Variants in NDUFA10 observed in about 807,000 individuals in gnomAD.
NDUFA10 encodes NADH:ubiquinone oxidoreductase subunit A10.
Under a neutral mutation model 47.8 loss-of-function variants are expected in NDUFA10, and 40 were observed. That is an observed-to-expected ratio of 0.84 (90% CI 0.65 to 1.09). The LOEUF (loss-of-function observed/expected upper bound fraction) is 1.09, where lower values mean the gene tolerates loss of function less well. Among genes scored for constraint, NDUFA10 ranks in the 50% least tolerant of loss-of-function variants. The probability of loss-of-function intolerance (pLI) is 0.00; values close to 1 mark genes in which losing one functional copy is unlikely to be tolerated. For synonymous variants in NDUFA10, 183 were observed against 172.2 expected, an observed-to-expected ratio of 1.06 and a Z score of -0.49; for missense variants, 413 against 451.1, an observed-to-expected ratio of 0.92 and a Z score of 0.76.
At chr2:239,931,945 C>A (rs1304517851) in intron 4 of NDUFA10, among the ~76,000 whole-genome samples, 1 of 147,516 alleles carries the variant, frequency 6.8e-6, no homozygotes, top group Non-Finnish European at 1.5e-5. Flanking sequence ...ACGCCATTCT[C>A]CTGCCTCAGC....
intron 4 of NDUFA10, among the ~76,000 whole-genome samples, chr2:239,952,107 A>T (rs1012170675): frequency 6.6e-6 from 1 of 152,138 alleles, no homozygotes; most frequent in Non-Finnish European, 1.5e-5. Flanking sequence ...ATGAACCAGC[A>T]ACACATGTGC....
In NDUFA10 at chr2:240,014,718, TTTGA is replaced by T. The variant is rs777849912; in HGVS notation, c.669+17_669+20del. On this transcript the variant is annotated intron_variant, in intron 5 of 9. Coordinates refer to ENST00000252711, the MANE Select transcript of NDUFA10 (RefSeq NM_004544.4). Reference sequence around the variant, plus strand: ...ACATTCAAAATAGAGATGCTTGGCCTTTGATTGAAAACTGCATTACATCTCCTTT... The same window carrying T: ...ACATTCAAAATAGAGATGCTTGGCCTTTGAAAACTGCATTACATCTCCTTT... The T allele has an allele frequency of 6.2e-7, 1 of 1,614,098 alleles. No individual in the cohort carries two copies. Among genetic ancestry groups the T allele is most frequent in the Non-Finnish European group, 8.5e-7 (1 of 1,179,928 alleles).
intron 4 of NDUFA10, among the ~76,000 whole-genome samples, chr2:239,898,956 T>C (rs1693458809): frequency 1.2e-5 from 1 of 86,708 alleles, no homozygotes; most frequent in African/African-American, 4.0e-5. Flanking sequence ...TGTGGAGGGG[T>C]GTGGCAGGGT....
intron 9 of NDUFA10, among the ~76,000 whole-genome samples, chr2:239,970,129 C>T (rs918794970): frequency 7.9e-5 from 12 of 152,096 alleles, no homozygotes; most frequent in East Asian, 7.7e-4. Flanking sequence ...AAAAAGATCA[C>T]GAGAAAATCT....
chr2:239,908,095 T>C (rs1574769714), intron 4 of NDUFA10, among the ~76,000 whole-genome samples: 1 of 152,116 alleles, frequency 6.6e-6, no homozygotes, highest in East Asian at 1.9e-4. Context: ...ATGTCCTTTG[T>C]AGGGACATGG....
chr2:239,960,615 A>T lies in NDUFA10; in HGVS notation c.*503T>A, dbSNP rs1000127056. 2.9e-6 allele frequency: 3 copies of T among 1,024,296 alleles called. No homozygotes were observed. The highest frequency in any genetic ancestry group is 3.5e-6 in the Non-Finnish European group (3 of 851,052). 63.5% of individuals were successfully genotyped at this position (1,024,296 alleles called of 1,614,324 possible). ...AAAATAAATACAGTAGGCCTTTAGAAAAACTCTTCAGCATAATGTAAGCCT... is the reference window on the plus strand; with the variant it reads ...AAAATAAATACAGTAGGCCTTTAGATAAACTCTTCAGCATAATGTAAGCCT... On this transcript the variant is annotated 3_prime_UTR_variant, in exon 10 of 10. Coordinates refer to ENST00000252711, the MANE Select transcript of NDUFA10 (RefSeq NM_004544.4).
intron 4 of NDUFA10, among the ~76,000 whole-genome samples, chr2:239,938,723 T>G (rs576453894): frequency 1.5e-3 from 235 of 152,172 alleles, no homozygotes; most frequent in Non-Finnish European, 2.4e-3. Context: ...GTGGATCAGT[T>G]AAACGGGGGC....
At chr2:239,992,596 A>G (rs536778172) in intron 8 of NDUFA10, among the ~76,000 whole-genome samples, 21 of 152,324 alleles carry the variant, frequency 1.4e-4, no homozygotes, top group Non-Finnish European at 2.4e-4. Context: ...TTGGCAATTA[A>G]GCAAAAAGAA....
Position 239,906,066 on chromosome 2 carries a change from G to T in NDUFA10, c.295-10752C>A, listed in dbSNP as rs1245260516. Reference sequence around the variant, plus strand: ...AGCCCTGAGGGGTGATACCTCCAAGGTGCTCAGGGGACCTTGAAGCAGCCC... The same window carrying T: ...AGCCCTGAGGGGTGATACCTCCAAGTTGCTCAGGGGACCTTGAAGCAGCCC... On this transcript the variant is annotated intron_variant, in intron 4 of 5. Transcript: ENST00000419408. This position sits in a 1 kb window ranked among gnomAD's most constrained non-coding sequence, Gnocchi z 4.3. 3.9e-5 allele frequency among the ~76,000 whole-genome samples: 6 copies of T among 152,140 alleles called. No individual in the cohort carries two copies. The highest frequency in any genetic ancestry group is 7.4e-5 in the Non-Finnish European group (5 of 68,018).
At chr2:239,931,928 C>T (rs926328514) in intron 4 of NDUFA10, among the ~76,000 whole-genome samples, 8 of 151,000 alleles carry the variant, frequency 5.3e-5, no homozygotes, top group Non-Finnish European at 5.9e-5. Flanking sequence ...CTCCGCCTCC[C>T]GGGTTCACGC....
rs115625292 is a variant in NDUFA10, at chr2:239,916,820, C to T, written c.295-21506G>A. Among the ~76,000 whole-genome samples, 1,318 of 152,342 alleles carry T rather than the reference C, an allele frequency of 8.7e-3. 22 individuals carry two copies. Among genetic ancestry groups the T allele is most frequent in the African/African-American group, 0.03 (1,240 of 41,566 alleles). On this transcript the variant is annotated intron_variant, in intron 4 of 5. Coordinates refer to the NDUFA10 transcript ENST00000419408. ...ATTCCCTCAGGAGGAGCAGCCCTCACGGCCTCACCAGCTCTTGGTGGCCCC... is the reference window on the plus strand; with the variant it reads ...ATTCCCTCAGGAGGAGCAGCCCTCATGGCCTCACCAGCTCTTGGTGGCCCC...
chr2:240,025,231 C>T lies in NDUFA10; in HGVS notation c.71G>A (p.Arg24His). Reference protein sequence around the residue: ...SARVVAAGAQRVRGIHSSVQC... With the variant: ...SARVVAAGAQHVRGIHSSVQC... ...GCCACCCCGCCGCCCGCTCACCACGCGCTGGGCGCCCGCCGCCACGACCCG... is the reference window on the plus strand; with the variant it reads ...GCCACCCCGCCGCCCGCTCACCACGTGCTGGGCGCCCGCCGCCACGACCCG... The change falls in exon 1 of 10, where the codon CGC becomes CAC. Residue 24 changes from arginine to histidine, a missense_variant. Coordinates refer to ENST00000252711, the MANE Select transcript of NDUFA10 (RefSeq NM_004544.4). The T allele has an allele frequency of 6.7e-7, 1 of 1,493,112 alleles. No homozygotes were observed. The highest frequency in any genetic ancestry group is 1.3e-5 in the South Asian group (1 of 79,296). The allele number at this position is 1,493,112 out of a possible 1,614,324, so 92.5% of individuals were successfully genotyped here. A position where few individuals can be genotyped will look rare whatever the true frequency, so the allele number is the denominator to read the frequency against.
At chr2:239,966,152 G>T (rs1695050385) in intron 9 of NDUFA10, among the ~76,000 whole-genome samples, 1 of 152,202 alleles carries the variant, frequency 6.6e-6, no homozygotes, top group African/African-American at 2.4e-5. Flanking sequence ...CCAGGGCGAG[G>T]CCTGGAGCTG....
At chr2:239,979,560 C>A (rs1203642733) in intron 9 of NDUFA10, among the ~76,000 whole-genome samples, 1 of 151,168 alleles carries the variant, frequency 6.6e-6, no homozygotes, top group Non-Finnish European at 1.5e-5. Context: ...CAAGGAGGGG[C>A]AACAATGCCC....
At chr2:239,915,147 TAC>T (rs1693833878) in intron 4 of NDUFA10, among the ~76,000 whole-genome samples, 1 of 43,768 alleles carries the variant, frequency 2.3e-5, no homozygotes, top group African/African-American at 1.7e-4. Flanking sequence ...CACACAAATA[TAC>T]AGACACACAG....
chr2:239,897,322 C>A (rs1693416718), intron 4 of NDUFA10, among the ~76,000 whole-genome samples: 1 of 152,044 alleles, frequency 6.6e-6, no homozygotes. Context: ...ATTAGAAATT[C>A]TATCACTAAA....
intron 2 of NDUFA10, 47 bp downstream of exon 2, chr2:240,022,125 C>A: frequency 6.5e-7 from 1 of 1,549,438 alleles, no homozygotes; most frequent in South Asian, 1.1e-5. Context: ...AATAAGCAAC[C>A]ATATATCTGA....
intron 4 of NDUFA10, among the ~76,000 whole-genome samples, chr2:239,896,567 G>C (rs931152446): frequency 1.3e-5 from 2 of 152,190 alleles, no homozygotes; most frequent in Non-Finnish European, 2.9e-5. Context: ...GCTGAAACAG[G>C]TTCCATCATC....
rs116043469 is a variant in NDUFA10 at position 239,925,971 on chromosome 2, A to G, written c.295-30657T>C. ...TCACTATACATCTTTCAGAGCAACT[A>G]AAATTAAAAATAGAGACCACACCAA... is the stretch of plus-strand genomic sequence containing the variant. On this transcript the variant is annotated intron_variant, in intron 4 of 5. Coordinates refer to the NDUFA10 transcript ENST00000419408. 2.0e-3 allele frequency among the ~76,000 whole-genome samples: 298 copies of G among 152,380 alleles called. 1 individual carries two copies. Among genetic ancestry groups the G allele is most frequent in the Middle Eastern group, 0.014 (4 of 294 alleles).
Sources: gnomAD v4.1 joint callset for allele counts (sites outside exome capture counted in the v4.1 genomes callset) on GRCh38, gnomAD v4.1.1 for gene constraint, Gnocchi (gnomAD v3.1) non-coding constraint, MANE v1.5 for transcripts, NCBI Gene and HGNC (gene_info 2026-07-23, HGNC 2026-07-21) for gene names.